Variants in TMBIM6 observed in about 807,000 individuals in gnomAD.
TMBIM6 encodes bax inhibitor 1.
A neutral mutation model predicts 31.4 loss-of-function variants in TMBIM6; 13 were observed. The ratio of observed to expected loss-of-function variants is 0.41; its 90% CI spans 0.27 to 0.66. The LOEUF is 0.66. Among genes scored for constraint, TMBIM6 ranks in the 30% least tolerant of loss-of-function variants. The probability of loss-of-function intolerance (pLI) is 0.28; values close to 1 mark genes in which losing one functional copy is unlikely to be tolerated. For synonymous variants in TMBIM6, 85 were observed against 101.7 expected (o/e 0.84, Z 0.99); for missense variants, 275 against 289.5 (o/e 0.95, Z 0.36).
At position 49,753,083 on chromosome 12, in the gene TMBIM6, TAA is replaced by T; in HGVS notation, c.165+3_165+4del. 1 of 1,611,440 alleles carries T rather than the reference TAA, an allele frequency of 6.2e-7. No homozygotes were observed. Among genetic ancestry groups the T allele is most frequent in the Non-Finnish European group, 8.5e-7 (1 of 1,178,838 alleles). On this transcript the variant is annotated splice_donor_region_variant and intron_variant, in intron 3 of 9. Coordinates refer to ENST00000267115, the MANE Select transcript of TMBIM6 (RefSeq NM_003217.3). The stretch of plus-strand genomic sequence containing the variant: ...CATATGGTCACTCATTTCATTCAGG[TAA>T]GAACGATTTTCTCTCCTGGTTGCTG...
At chr12:49,760,471 G>A (rs1017794711) in intron 8 of TMBIM6, among the ~76,000 whole-genome samples, 5 of 150,560 alleles carry the variant, frequency 3.3e-5, no homozygotes, top group Admixed American at 3.3e-4. Flanking sequence ...GTCTCAAGCA[G>A]TCCTCTTGCC....
intron 4 of TMBIM6, among the ~76,000 whole-genome samples, chr12:49,756,180 C>CT (rs2136951412): frequency 6.6e-6 from 1 of 151,120 alleles, no homozygotes; most frequent in East Asian, 2.0e-4. Context: ...GTCACCCAGG[C>CT]TAGAGAGTGC....
In TMBIM6 at chr12:49,761,777, A is replaced by C. The variant is rs377089649; in HGVS notation, c.688A>C (p.Lys230Gln). ...CATGATGATCCTGGCCATGAATGAA[A>C]AGGTTAGTTAGCCTACAACCCAAAG... ...KLMMILAMNEKDKKKEKK is the reference protein window; with the variant it reads ...KLMMILAMNEQDKKKEKK The change falls in exon 9 of 10, where the codon AAG becomes CAG. Residue 230 changes from lysine to glutamine, a missense_variant and splice_region_variant. Transcript: ENST00000267115. 2 of 1,614,188 alleles carry C rather than the reference A, an allele frequency of 1.2e-6. No individual in the cohort carries two copies. The highest frequency in any genetic ancestry group is 3.3e-5 in the Admixed American group (2 of 60,032).
Position 49,758,668 on chromosome 12 carries a change from T to A in TMBIM6, c.434-15T>A. The A allele has an allele frequency of 6.2e-7, 1 of 1,613,306 alleles. No homozygotes were observed. The highest frequency in any genetic ancestry group is 8.5e-7 in the Non-Finnish European group (1 of 1,179,420). On this transcript the variant is annotated splice_polypyrimidine_tract_variant and intron_variant, in intron 6 of 9. Coordinates refer to ENST00000267115, the MANE Select transcript of TMBIM6 (RefSeq NM_003217.3). ...CTTGGCTTCTCTCAAGACAGCTTTT[T>A]GCTGTGTCTTATAGGTATCTTGATG...
intron 1 of TMBIM6, chr12:49,742,269 A>T (rs531306326): frequency 6.3e-7 from 1 of 1,598,864 alleles, no homozygotes; most frequent in East Asian, 2.2e-5. Context: ...CGGATTGGTT[A>T]CCTTTGGGCA....
chr12:49,762,637 T>C (rs1945741213), intron 9 of TMBIM6, among the ~76,000 whole-genome samples: 2 of 152,168 alleles, frequency 1.3e-5, no homozygotes, highest in South Asian at 4.2e-4. Context: ...TCGGCACTCC[T>C]GGGGTGGGGG....
intron 1 of TMBIM6, among the ~76,000 whole-genome samples, 184 bp from the exon 2 acceptor site, chr12:49,752,280 G>A (rs534583063): frequency 1.3e-5 from 2 of 152,220 alleles, no homozygotes; most frequent in East Asian, 3.9e-4. Context: ...TCGTCTTTAA[G>A]ATGGTTGACT....
intron 4 of TMBIM6, among the ~76,000 whole-genome samples, chr12:49,756,910 T>A (rs1945609752): frequency 6.6e-6 from 1 of 151,832 alleles, no homozygotes; most frequent in South Asian, 2.1e-4. Context: ...TAATCTTTTG[T>A]ATTTTTAGTA....
chr12:49,741,875 A>C (rs377572597), intron 1 of TMBIM6: 17 of 511,438 alleles, frequency 3.3e-5, no homozygotes, highest in Non-Finnish European at 5.1e-5. Context: ...CGAGGCCTCT[A>C]TTCTGCCCCA....
chr12:49,746,647 A>G (rs111778709), intron 1 of TMBIM6, among the ~76,000 whole-genome samples: 5 of 152,340 alleles, frequency 3.3e-5, no homozygotes, highest in African/African-American at 1.2e-4. Context: ...CTGCTAAGGA[A>G]ATAACTAGGA....
chr12:49,764,724 AAAG>A lies in TMBIM6; in HGVS notation c.*1831_*1833del, dbSNP rs1337189874. 4.6e-5 allele frequency: 5 copies of A among 108,084 alleles called. No individual in the cohort carries two copies. The highest frequency in any genetic ancestry group is 3.1e-4 in the African/African-American group (5 of 16,298). The allele number at this position is 108,084 out of a possible 1,614,324, so 6.7% of individuals were successfully genotyped here. On this transcript the variant is annotated 3_prime_UTR_variant, in exon 10 of 10. Coordinates refer to ENST00000267115, the MANE Select transcript of TMBIM6 (RefSeq NM_003217.3). ...TGACAAGATATTAAAAAAAAAAAAG[AAAG>A]AAAAAAAAAAAAACACCTACTTTTA...
chr12:49,742,952 T>C, intron 1 of TMBIM6, among the ~76,000 whole-genome samples: 1 of 151,576 alleles, frequency 6.6e-6, no homozygotes, highest in African/African-American at 2.4e-5. Flanking sequence ...ATTTATCTGG[T>C]TGTGGAAACA....
intron 4 of TMBIM6, among the ~76,000 whole-genome samples, chr12:49,756,876 A>G (rs937150862): frequency 1.3e-5 from 2 of 151,922 alleles, no homozygotes; most frequent in African/African-American, 2.4e-5. Context: ...AGCTGGGATT[A>G]TAGGCATCAA....
rs371552226 is a variant in TMBIM6, at chr12:49,742,293, T to G, written c.-31+682T>G. ...TACCTTTGGGCAGGTGAGGTGGCTT[T>G]GCTTTGCTTGGTCTTGAGGTTTTGT... On this transcript the variant is annotated intron_variant, in intron 1 of 9. Transcript: ENST00000267115. The G allele has an allele frequency of 9.8e-5, 154 of 1,569,636 alleles. No individual in the cohort carries two copies. The African/African-American group carries it at 1.9e-3, about 20-fold the overall frequency.
intron 1 of TMBIM6, chr12:49,742,331 A>G (rs547250324): frequency 2.0e-6 from 3 of 1,519,742 alleles, no homozygotes; most frequent in East Asian, 2.3e-5. Context: ...GCGTCTTTCT[A>G]AGTCTGCTCA....
In TMBIM6 at chr12:49,758,964, C is replaced by T. The variant is rs563982570; in HGVS notation, c.513+202C>T. On this transcript the variant is annotated intron_variant, in intron 7 of 9. Transcript: ENST00000267115. ...GGCATTGCTAAGAGAAAATGGTTTG[C>T]TCAGACACCATTTGTGTAAGGCCAG... 6.7e-5 allele frequency: 43 copies of T among 639,566 alleles called. No homozygotes were observed. In the African/African-American group the frequency reaches 7.3e-4, roughly 11 times the overall value. 39.6% of individuals were successfully genotyped at this position (639,566 alleles called of 1,614,324 possible).
intron 4 of TMBIM6, among the ~76,000 whole-genome samples, chr12:49,756,934 A>G (rs1041789031): frequency 6.6e-5 from 10 of 151,298 alleles, no homozygotes; most frequent in African/African-American, 1.9e-4. Context: ...ATGGGCCACT[A>G]TGTTGGCCAG....
At chr12:49,751,340 GTGTC>G (rs1423329691) in intron 1 of TMBIM6, among the ~76,000 whole-genome samples, 4 of 152,136 alleles carry the variant, frequency 2.6e-5, no homozygotes, top group Admixed American at 2.6e-4. Flanking sequence ...TAGGAGCACT[GTGTC>G]TGTATGGTTA....
rs889226704 is a variant in TMBIM6 at position 49,764,833 on chromosome 12, A to G, written c.*1937A>G. The G allele has an allele frequency of 1.3e-5, 2 of 152,150 alleles. No homozygotes were observed. Among genetic ancestry groups the G allele is most frequent in the African/African-American group, 4.8e-5 (2 of 41,416 alleles). The allele number at this position is 152,150 out of a possible 1,614,324, so 9.4% of individuals were successfully genotyped here. Reference sequence around the variant, plus strand: ...TTTCTTGATTTTCAGCTCAGGCTGCATTCTAACTCATACTGTGAAGACAAA... The same window carrying G: ...TTTCTTGATTTTCAGCTCAGGCTGCGTTCTAACTCATACTGTGAAGACAAA... On this transcript the variant is annotated 3_prime_UTR_variant, in exon 10 of 10. Transcript: ENST00000267115.
Sources: allele counts gnomAD v4.1 joint callset (sites outside exome capture counted in the v4.1 genomes callset), GRCh38; gene constraint gnomAD v4.1.1; transcripts MANE v1.5; gene names NCBI Gene and HGNC (gene_info 2026-07-23, HGNC 2026-07-21).